RNF135: variants seen among roughly 807,000 people sequenced by gnomAD.
The protein encoded by RNF135 is ring finger protein 135.
A neutral mutation model predicts 41.9 loss-of-function variants in RNF135; 46 were observed. The ratio of observed to expected loss-of-function variants is 1.10; its 90% CI spans 0.87 to 1.40. The LOEUF is 1.40. Ranked by LOEUF, RNF135 falls within the 40% of genes most tolerant of loss-of-function variation. The pLI, the probability that RNF135 is intolerant of heterozygous loss-of-function variation, is 0.00. For synonymous variants in RNF135, 238 were observed against 223.8 expected (o/e 1.06, Z -0.57); for missense variants, 539 against 549.8 (o/e 0.98, Z 0.20).
At chr17:30,966,799 C>A (rs1905571559), upstream of RNF135, among the ~76,000 whole-genome samples, 1 of 151,778 alleles carries the variant, frequency 6.6e-6, no homozygotes, top group Non-Finnish European at 1.5e-5. Context: ...GCCACCGCGC[C>A]CGACCTCAAA....
the RNF135 span, among the ~76,000 whole-genome samples, chr17:30,964,160 G>A: frequency 6.6e-6 from 1 of 151,940 alleles, no homozygotes; most frequent in African/African-American, 2.4e-5. Flanking sequence ...GGCTGAGGCA[G>A]GCGGATCACC....
Position 30,991,904 on chromosome 17 carries a change from A to T in RNF135, c.679+3798A>T, listed in dbSNP as rs549597915. Among the ~76,000 whole-genome samples, 29 of 151,500 alleles carry T rather than the reference A, an allele frequency of 1.9e-4. No individual in the cohort carries two copies. The South Asian group carries it at 3.8e-3, about 20-fold the overall frequency. ...TTATTTATCTTTTATGGGTTTTATA[A>T]TGCCATATAGACATTTTTAAATTTA... On this transcript the variant is annotated intron_variant, in intron 3 of 4. Coordinates refer to ENST00000328381, the MANE Select transcript of RNF135 (RefSeq NM_032322.4).
intron 1 of RNF135, among the ~76,000 whole-genome samples, chr17:30,983,353 A>ATATATATATATATATTTTTTTT (rs1420453160): frequency 2.8e-5 from 1 of 35,746 alleles, no homozygotes; most frequent in African/African-American, 9.1e-5. Flanking sequence ...ATATATATAT[A>ATATATATATATATATTTTTTTT]TTTTTTTTTT....
chr17:30,980,295 G>T (rs1199659924), intron 1 of RNF135: 13 of 126,588 alleles, frequency 1.0e-4, no homozygotes, highest in Non-Finnish European at 2.0e-4. Flanking sequence ...GGGCAGAGGC[G>T]CCCCTCACCT....
intron 1 of RNF135, among the ~76,000 whole-genome samples, chr17:30,979,737 C>T (rs1481821030): frequency 3.4e-5 from 4 of 118,984 alleles, no homozygotes; most frequent in Admixed American, 7.9e-5. Context: ...CCCTCCCGGA[C>T]GGGGCGGCTG....
intron 3 of RNF135, among the ~76,000 whole-genome samples, chr17:30,994,104 CA>C (rs1482129172): frequency 6.6e-6 from 1 of 152,158 alleles, no homozygotes; most frequent in East Asian, 1.9e-4. Flanking sequence ...GGTGCCCAGC[CA>C]AACATTTTTT....
chr17:30,982,778 C>T (rs1907249078), intron 1 of RNF135, among the ~76,000 whole-genome samples: 1 of 152,172 alleles, frequency 6.6e-6, no homozygotes. Context: ...ATATGAAATA[C>T]ATTCACAATG....
rs770617794 is a variant in RNF135 at position 30,997,338 on chromosome 17, A to G, written c.769+7A>G. On this transcript the variant is annotated splice_region_variant and intron_variant, in intron 4 of 4. Transcript: ENST00000328381. The stretch of plus-strand genomic sequence containing the variant: ...GCTTCTCGGTTTGCTCAGTGTAAGT[A>G]TGTGGTCCACTTTAAACATGGGTTT... The G allele has an allele frequency of 8.1e-6, 13 of 1,612,594 alleles. No individual in the cohort carries two copies. Among genetic ancestry groups the G allele is most frequent in the South Asian group, 2.2e-5 (2 of 91,056 alleles).
At position 30,975,571 on chromosome 17, in the gene RNF135, C is replaced by T. The variant is rs1437405009; in HGVS notation, c.372+4126C>T. ...ACATACACCCAACAATACTCCAGGT[C>T]TGGTTCAAGAACCACAGAGCAAAAC... On this transcript the variant is annotated intron_variant, in intron 1 of 4. Coordinates refer to ENST00000328381, the MANE Select transcript of RNF135 (RefSeq NM_032322.4). 7.5e-6 allele frequency: 6 copies of T among 796,992 alleles called. No individual in the cohort carries two copies. In the African/African-American group the frequency reaches 1.0e-4, roughly 13 times the overall value. The allele number at this position is 796,992 out of a possible 1,614,324, so 49.4% of individuals were successfully genotyped here. A position where few individuals can be genotyped will look rare whatever the true frequency, so the allele number is the denominator to read the frequency against.
chr17:30,975,354 A>C, intron 1 of RNF135: 1 of 731,206 alleles, frequency 1.4e-6, no homozygotes, highest in South Asian at 1.4e-5. Context: ...TTATGCCTGC[A>C]CCTGAGCCCA....
At chr17:30,974,107 G>A (rs1344211378) in intron 1 of RNF135, among the ~76,000 whole-genome samples, 1 of 152,164 alleles carries the variant, frequency 6.6e-6, no homozygotes, top group Admixed American at 6.6e-5. Flanking sequence ...GGGAGGCTGA[G>A]GTAGGAGAAA....
At position 30,983,353 on chromosome 17, in the gene RNF135, A is replaced by ATATATATATATTT. The variant is rs1420453160; in HGVS notation, c.373-1263_373-1262insATATATATATTTT. Among the ~76,000 whole-genome samples the ATATATATATATTT allele has an allele frequency of 2.0e-3, 73 of 35,690 alleles. 2 individuals carry two copies. Among genetic ancestry groups the ATATATATATATTT allele is most frequent in the Non-Finnish European group, 3.0e-3 (55 of 18,630 alleles). The allele number at this position is 35,690 out of a possible 152,430, so 23.4% of individuals were successfully genotyped here. A position where few individuals can be genotyped will look rare whatever the true frequency, so the allele number is the denominator to read the frequency against. On this transcript the variant is annotated intron_variant, in intron 1 of 4. Coordinates refer to ENST00000328381, the MANE Select transcript of RNF135 (RefSeq NM_032322.4). ...TATATATATATATATATATATATAT[A>ATATATATATATTT]TTTTTTTTTTTTTTTTTTGAGATGG...
chr17:30,982,151 G>C (rs530795380), intron 1 of RNF135, among the ~76,000 whole-genome samples: 13 of 152,210 alleles, frequency 8.5e-5, no homozygotes, highest in African/African-American at 3.1e-4. Flanking sequence ...ACCCAGGCTC[G>C]GGGCCGGTCC....
chr17:30,983,353 A>ATACATATTTTTTT (rs1420453160), intron 1 of RNF135, among the ~76,000 whole-genome samples: 1 of 35,744 alleles, frequency 2.8e-5, no homozygotes, highest in African/African-American at 9.1e-5. Flanking sequence ...ATATATATAT[A>ATACATATTTTTTT]TTTTTTTTTT....
intron 1 of RNF135, among the ~76,000 whole-genome samples, chr17:30,982,194 G>T (rs1488613675): frequency 1.3e-5 from 2 of 152,212 alleles, no homozygotes; most frequent in African/African-American, 2.4e-5. Context: ...ACTTGCCTAG[G>T]AGTTGCAGTC....
rs540491977 is a variant in RNF135, at chr17:30,975,248, A to G, written c.372+3803A>G. Reference sequence around the variant, plus strand: ...TGAGGTACGAAGAACACTTGAATCCAGGAGGTTGAGGCTGCAGTGAGCTGT... The same window carrying G: ...TGAGGTACGAAGAACACTTGAATCCGGGAGGTTGAGGCTGCAGTGAGCTGT... On this transcript the variant is annotated intron_variant, in intron 1 of 4. Coordinates refer to ENST00000328381, the MANE Select transcript of RNF135 (RefSeq NM_032322.4). 2.4e-5 allele frequency: 12 copies of G among 500,550 alleles called. No homozygotes were observed. The East Asian group carries it at 2.6e-4, about 11-fold the overall frequency. 31.0% of individuals were successfully genotyped at this position (500,550 alleles called of 1,614,324 possible). A position where few individuals can be genotyped will look rare whatever the true frequency, so the allele number is the denominator to read the frequency against.
At chr17:30,998,627 G>A (rs1908528818) in intron 4 of RNF135, 35 bp from the exon 5 acceptor site, 6 of 1,606,102 alleles carry the variant, frequency 3.7e-6, no homozygotes, top group Non-Finnish European at 5.1e-6. Context: ...AAGATGACCG[G>A]CCATGTTCTT....
At chr17:30,997,135 G>C (rs993158431) in intron 3 of RNF135, 107 bp from the exon 4 acceptor site, 1 of 853,530 alleles carries the variant, frequency 1.2e-6, no homozygotes, top group Non-Finnish European at 2.0e-6. Context: ...AAAATGTGTA[G>C]ATGATAAGAA....
At chr17:30,987,813 C>A in intron 2 of RNF135, 131 bp from the exon 3 acceptor site, 1 of 842,100 alleles carries the variant, frequency 1.2e-6, no homozygotes, top group Non-Finnish European at 1.9e-6. Flanking sequence ...TTTTGAGGGC[C>A]TAATTTTGTT....
Sources: allele counts gnomAD v4.1 joint callset (sites outside exome capture counted in the v4.1 genomes callset), GRCh38; gene constraint gnomAD v4.1.1; transcripts MANE v1.5; gene names NCBI Gene and HGNC (gene_info 2026-07-23, HGNC 2026-07-21).